Variants in KBTBD12 observed in about 807,000 individuals in gnomAD.
KBTBD12 encodes the protein kelch repeat and BTB domain-containing protein 12.
In KBTBD12, 53 loss-of-function variants were observed where a neutral mutation model predicts 58.7. The observed-to-expected ratio is 0.90, with a 90% confidence interval of 0.72 to 1.14. KBTBD12 has a LOEUF of 1.14. KBTBD12 is among the 50% of genes most tolerant of loss of function. KBTBD12 has a pLI of 0.00. For missense variants in KBTBD12, 704 were observed against 751.3 expected, an observed-to-expected ratio of 0.94 and a Z score of 0.74; for synonymous variants, 236 against 259.8, an observed-to-expected ratio of 0.91 and a Z score of 0.88.
intron 4 of KBTBD12, among the ~76,000 whole-genome samples, chr3:127,940,486 C>T (rs924401834): frequency 5.9e-5 from 9 of 151,934 alleles, no homozygotes; most frequent in South Asian, 2.1e-4. Flanking sequence ...GGGTTAAAGA[C>T]GAAATCTCAA....
chr3:127,933,852 C>A (rs7633950), intron 4 of KBTBD12, among the ~76,000 whole-genome samples: 150,879 of 152,238 alleles, frequency 0.99, 74,827 homozygotes, highest in Middle Eastern at 1. Context: ...GGGAAACTGC[C>A]GCAAACAGTA....
intron 4 of KBTBD12, among the ~76,000 whole-genome samples, chr3:127,947,867 A>T (rs1940117535): frequency 6.6e-6 from 1 of 152,158 alleles, no homozygotes; most frequent in South Asian, 2.1e-4. Context: ...AACAGCCTAG[A>T]AGAGGCTCTT....
intron 2 of KBTBD12, among the ~76,000 whole-genome samples, chr3:127,926,199 A>T (rs953313304): frequency 1.3e-5 from 2 of 152,014 alleles, no homozygotes; most frequent in African/African-American, 4.8e-5. Flanking sequence ...TCCCTGTTTC[A>T]GTTCTAAATG....
chr3:127,977,432 A>T lies in KBTBD12; in HGVS notation c.1691-6665A>T, dbSNP rs1940801969. Among the ~76,000 whole-genome samples the T allele has an allele frequency of 2.0e-5, 3 of 152,334 alleles. No homozygotes were observed. The South Asian group carries it at 6.2e-4, about 32-fold the overall frequency. On this transcript the variant is annotated intron_variant, in intron 5 of 5. Transcript: ENST00000405109. The stretch of plus-strand genomic sequence containing the variant: ...CCAAACTGCTTTCCACAATGGCTGA[A>T]CTAGTTTATATTCCCACCAGCAGCG...
intron 5 of KBTBD12, among the ~76,000 whole-genome samples, chr3:127,969,007 G>T (rs534743535): frequency 1.3e-5 from 2 of 152,048 alleles, no homozygotes; most frequent in African/African-American, 4.8e-5. Context: ...AGACTGAAAG[G>T]TTTCCCCCTA....
chr3:127,982,872 G>A (rs570850299), intron 5 of KBTBD12, among the ~76,000 whole-genome samples: 8 of 152,180 alleles, frequency 5.3e-5, no homozygotes, highest in East Asian at 1.9e-4. Flanking sequence ...CCTAAGCCCC[G>A]CTCACAGCGT....
At chr3:127,964,911 TAGTA>T (rs1311536089) in intron 5 of KBTBD12, among the ~76,000 whole-genome samples, 1 of 152,194 alleles carries the variant, frequency 6.6e-6, no homozygotes, top group Admixed American at 6.5e-5. Context: ...TCTATCATAG[TAGTA>T]AGAAACCTGG....
intron 5 of KBTBD12, among the ~76,000 whole-genome samples, chr3:127,974,481 A>T (rs1940742411): frequency 6.6e-6 from 1 of 152,114 alleles, no homozygotes; most frequent in South Asian, 2.1e-4. Context: ...AGGTTTCTGT[A>T]TGGGCCATCA....
intron 4 of KBTBD12, among the ~76,000 whole-genome samples, chr3:127,944,033 T>C (rs1192555046): frequency 6.6e-6 from 1 of 152,190 alleles, no homozygotes; most frequent in Non-Finnish European, 1.5e-5. Flanking sequence ...TTCCATTTTA[T>C]TGGTTTATGT....
intron 4 of KBTBD12, among the ~76,000 whole-genome samples, chr3:127,961,387 A>G (rs76529831): frequency 1.3e-5 from 2 of 152,320 alleles, no homozygotes; most frequent in East Asian, 3.9e-4. Context: ...GGGCTAAATT[A>G]TTTATCCAGT....
rs868205305 is a variant in KBTBD12, at chr3:127,970,291, G to A, written c.1690+6905G>A. On this transcript the variant is annotated intron_variant, in intron 5 of 5. Transcript: ENST00000405109. ...AAGATAGATAATAACAAGTATTGTCGAGGTTTGGAGAAATCAAAACCACCA... is the reference window on the plus strand; with the variant it reads ...AAGATAGATAATAACAAGTATTGTCAAGGTTTGGAGAAATCAAAACCACCA... 5.3e-5 allele frequency among the ~76,000 whole-genome samples: 8 copies of A among 152,156 alleles called. No individual in the cohort carries two copies. In the Middle Eastern group the frequency reaches 0.017, roughly 323 times the overall value.
At chr3:127,930,335 G>A (rs1939674871) in intron 4 of KBTBD12, 52 bp downstream of exon 4, 3 of 1,544,534 alleles carry the variant, frequency 1.9e-6, no homozygotes, top group Admixed American at 3.8e-5. Context: ...TTCCTCAGCA[G>A]TTTGCCTCAG....
Position 127,984,387 on chromosome 3 carries a change from C to A in KBTBD12, c.*109C>A. 9.6e-7 allele frequency: 1 copy of A among 1,043,972 alleles called. No homozygotes were observed. Among genetic ancestry groups the A allele is most frequent in the South Asian group, 1.6e-5 (1 of 62,782 alleles). The allele number at this position is 1,043,972 out of a possible 1,614,324, so 64.7% of individuals were successfully genotyped here. ...GTCATGTGCACTGCATGCGTAGTGGCCTGTGTGTGAAGAAGCAGTGTGTGC... is the reference window on the plus strand; with the variant it reads ...GTCATGTGCACTGCATGCGTAGTGGACTGTGTGTGAAGAAGCAGTGTGTGC... On this transcript the variant is annotated 3_prime_UTR_variant, in exon 6 of 6. Coordinates refer to ENST00000405109, the MANE Select transcript of KBTBD12 (RefSeq NM_207335.4).
rs113793833 is a variant in KBTBD12, at chr3:127,982,049, C to T, written c.1691-2048C>T. ...TTCCATTTGTCCCTCCACACTCACCCCTACCCTTCCCCACCTCTCTCTGTG... is the reference window on the plus strand; with the variant it reads ...TTCCATTTGTCCCTCCACACTCACCTCTACCCTTCCCCACCTCTCTCTGTG... On this transcript the variant is annotated intron_variant, in intron 5 of 5. Transcript: ENST00000405109. Among the ~76,000 whole-genome samples the T allele has an allele frequency of 9.7e-3, 1,475 of 152,264 alleles. 13 individuals are homozygous for T. Among genetic ancestry groups the T allele is most frequent in the South Asian group, 0.029 (141 of 4,816 alleles).
chr3:127,984,012 G>A, intron 5 of KBTBD12, 85 bp from the exon 6 acceptor site: 5 of 1,040,752 alleles, frequency 4.8e-6, no homozygotes, highest in Non-Finnish European at 7.3e-6. Context: ...TTGCCTTTTG[G>A]AGGAAGTTAC....
intron 4 of KBTBD12, among the ~76,000 whole-genome samples, chr3:127,942,661 CATATAACTATATATACAACTAT>C (rs1939978920): frequency 6.8e-6 from 1 of 147,210 alleles, no homozygotes; most frequent in African/African-American, 2.5e-5. Context: ...TATATAACTA[CATATAACTATATATACAACTAT>C]ATATAACTAT....
rs1047339425 is a variant in KBTBD12, at chr3:127,915,593, A to T, written c.-113+7A>T. ...CGAACCAGGCAGCACCTTCGTAAGT[A>T]GGGGTAGCGCCCCGGGGGAACGCGG... On this transcript the variant is annotated splice_region_variant and intron_variant, in intron 1 of 5. Coordinates refer to ENST00000405109, the MANE Select transcript of KBTBD12 (RefSeq NM_207335.4). The T allele has an allele frequency of 6.6e-6, 1 of 152,274 alleles. No individual in the cohort carries two copies. The highest frequency in any genetic ancestry group is 1.5e-5 in the Non-Finnish European group (1 of 68,082). The allele number at this position is 152,274 out of a possible 1,614,324, so 9.4% of individuals were successfully genotyped here. A position where few individuals can be genotyped will look rare whatever the true frequency, so the allele number is the denominator to read the frequency against.
intron 5 of KBTBD12, among the ~76,000 whole-genome samples, chr3:127,978,128 G>C (rs556955170): frequency 2.4e-4 from 37 of 152,290 alleles, no homozygotes; most frequent in African/African-American, 5.8e-4. Flanking sequence ...TTGAAAATCA[G>C]ATGGTTGTAG....
rs773670305 is a variant in KBTBD12 at position 127,931,233 on chromosome 3, C to CCATT, written c.1492+951_1492+954dup. ...TGATTTTTTTTTTACTGAAGGGAGG[C>CCATT]CATTATCTCTTAGCTGTTTGCACAG... On this transcript the variant is annotated intron_variant, in intron 4 of 5. Transcript: ENST00000405109. Among the ~76,000 whole-genome samples the CCATT allele has an allele frequency of 8.0e-4, 122 of 151,838 alleles. 1 individual carries two copies. Among genetic ancestry groups the CCATT allele is most frequent in the Non-Finnish European group, 1.1e-3 (78 of 67,920 alleles).
Sources: gnomAD v4.1 joint callset for allele counts (sites outside exome capture counted in the v4.1 genomes callset) on GRCh38, gnomAD v4.1.1 for gene constraint, MANE v1.5 for transcripts, NCBI Gene and HGNC (gene_info 2026-07-23, HGNC 2026-07-21) for gene names.